The following MSN variants were observed in gnomAD, a reference collection of about 807,000 sequenced individuals.
MSN encodes epididymis luminal protein 70.
A neutral mutation model predicts 48.0 loss-of-function variants in MSN; 2 were observed. That is an observed-to-expected ratio of 0.04 (90% confidence interval 0.02 to 0.13). The LOEUF (loss-of-function observed/expected upper bound fraction) is 0.13. MSN is among the 10% of genes least tolerant of loss of function. The pLI is 1.00. For synonymous variants in MSN, 146 were observed against 166.9 expected, an observed-to-expected ratio of 0.87 and a Z score of 0.97; for missense variants, 267 against 470.1, an observed-to-expected ratio of 0.57 and a Z score of 3.99.
rs1476998596 is a variant in MSN, at chrX:65,618,595, G to A, written c.-22+29983G>A. ...CTCCATCCTTTTATTTTGAGCCTAT[G>A]TGTGTCTCTGCATGTGAGATGGGTT... On this transcript the variant is annotated intron_variant, in intron 1 of 3. Transcript: ENST00000609672. 2.7e-5 allele frequency among the ~76,000 whole-genome samples: 3 copies of A among 111,239 alleles called. No individual in the cohort carries two copies. The Admixed American group carries it at 2.9e-4, about 11-fold the overall frequency.
At chrX:65,730,929 T>A (rs945620730) in intron 4 of MSN, among the ~76,000 whole-genome samples, 178 bp from the exon 5 acceptor site, 4 of 112,167 alleles carry the variant, frequency 3.6e-5, no homozygotes, top group African/African-American at 1.3e-4. Flanking sequence ...TTTCAGGCAA[T>A]TCCTTGTGTC....
At chrX:65,638,162 C>A (rs777560326) in intron 1 of MSN, among the ~76,000 whole-genome samples, 1 of 112,436 alleles carries the variant, frequency 8.9e-6, no homozygotes, top group Non-Finnish European at 1.9e-5. Context: ...GTACTCTAAT[C>A]ATTTGATTTG....
At chrX:65,645,745 G>A (rs973461318) in intron 1 of MSN, among the ~76,000 whole-genome samples, 5 of 111,351 alleles carry the variant, frequency 4.5e-5, no homozygotes, top group African/African-American at 1.6e-4. Flanking sequence ...AAACTGCCCA[G>A]CTGCCTCCAC....
intron 1 of MSN, among the ~76,000 whole-genome samples, chrX:65,611,458 C>T (rs969627961): frequency 1.8e-5 from 2 of 111,817 alleles, no homozygotes; most frequent in African/African-American, 3.2e-5. Context: ...CTGTGCCTGG[C>T]CAGTATCAGT....
intron 1 of MSN, chrX:65,716,495 C>G (rs188982686): frequency 3.2e-6 from 1 of 308,198 alleles, no homozygotes; most frequent in East Asian, 8.6e-5. Flanking sequence ...AGGCTGGTCT[C>G]GAACTCCTGG....
At chrX:65,591,783 T>C (rs1376389399) in intron 1 of MSN, among the ~76,000 whole-genome samples, 1 of 111,248 alleles carries the variant, frequency 9.0e-6, no homozygotes, top group Non-Finnish European at 1.9e-5. Context: ...TAGAAAGTAG[T>C]TCTTTCTGGA....
chrX:65,677,858 A>G (rs1157741543), intron 1 of MSN, among the ~76,000 whole-genome samples: 1 of 111,336 alleles, frequency 9.0e-6, no homozygotes, highest in African/African-American at 3.3e-5. Context: ...TAGATCTAGC[A>G]TATGCTTGGT....
At chrX:65,606,857 T>C (rs1291316454) in intron 1 of MSN, among the ~76,000 whole-genome samples, 2 of 112,662 alleles carry the variant, frequency 1.8e-5, no homozygotes, top group South Asian at 3.6e-4. Context: ...TGCAAAACTA[T>C]TTATCAAACA....
chrX:65,719,945 G>A (rs754436183), intron 2 of MSN, among the ~76,000 whole-genome samples: 1 of 111,513 alleles, frequency 9.0e-6, no homozygotes, highest in East Asian at 2.8e-4. Flanking sequence ...GGTTTGGTTT[G>A]TGTGCTGTGG....
intron 1 of MSN, among the ~76,000 whole-genome samples, chrX:65,590,966 C>A (rs1404368920): frequency 1.8e-5 from 2 of 111,345 alleles, no homozygotes; most frequent in Non-Finnish European, 3.8e-5. Flanking sequence ...TCCTGTGTAG[C>A]CCTCTCAATC....
At chrX:65,606,862 C>T (rs1434875387) in intron 1 of MSN, among the ~76,000 whole-genome samples, 2 of 112,479 alleles carry the variant, frequency 1.8e-5, no homozygotes, top group African/African-American at 6.5e-5. Context: ...AACTATTTAT[C>T]AAACAGTCAC....
chrX:65,737,828 G>C (rs760589536), intron 10 of MSN, among the ~76,000 whole-genome samples: 27 of 112,309 alleles, frequency 2.4e-4, no homozygotes, highest in Non-Finnish European at 4.3e-4. Context: ...TTCTGCCTCT[G>C]TTTGAAAGCT....
At chrX:65,660,938 A>G (rs948817523) in intron 1 of MSN, among the ~76,000 whole-genome samples, 1 of 111,019 alleles carries the variant, frequency 9.0e-6, no homozygotes, top group Non-Finnish European at 1.9e-5. Flanking sequence ...CTGTGGGTTT[A>G]TGATAGATGG....
chrX:65,706,536 C>T (rs1178094001), intron 1 of MSN, among the ~76,000 whole-genome samples: 1 of 112,005 alleles, frequency 8.9e-6, no homozygotes, highest in Middle Eastern at 4.2e-3. Context: ...AACCTCTGCC[C>T]CAGTGAGACA....
At chrX:65,718,700 C>T (rs1221267741) in intron 2 of MSN, among the ~76,000 whole-genome samples, 1 of 109,236 alleles carries the variant, frequency 9.2e-6, no homozygotes, top group Admixed American at 9.8e-5. Flanking sequence ...CACCTATAGT[C>T]CCAGCTACTC....
upstream of MSN, among the ~76,000 whole-genome samples, chrX:65,664,743 G>C (rs958368637): frequency 1.1e-5 from 1 of 93,934 alleles, no homozygotes; most frequent in Admixed American, 1.2e-4. Context: ...GGACTTCTAT[G>C]CCCCCTTTCT....
chrX:65,676,022 T>C (rs1346216266), intron 1 of MSN, among the ~76,000 whole-genome samples: 1 of 112,897 alleles, frequency 8.9e-6, no homozygotes, highest in Non-Finnish European at 1.9e-5. Flanking sequence ...ACACATGAAC[T>C]AAACCAAAGA....
At chrX:65,706,448 C>A (rs1401109377) in intron 1 of MSN, among the ~76,000 whole-genome samples, 2 of 111,808 alleles carry the variant, frequency 1.8e-5, no homozygotes, top group African/African-American at 6.5e-5. Flanking sequence ...CCACTGAAAG[C>A]CCAGCAGGGG....
intron 1 of MSN, among the ~76,000 whole-genome samples, chrX:65,633,317 A>G (rs904573888): frequency 1.8e-5 from 2 of 111,540 alleles, no homozygotes; most frequent in African/African-American, 6.5e-5. Flanking sequence ...TGACTTCTTC[A>G]TGGGACCCTT....
Sources: allele counts gnomAD v4.1 joint callset (sites outside exome capture counted in the v4.1 genomes callset), GRCh38; gene constraint gnomAD v4.1.1; transcripts MANE v1.5; gene names NCBI Gene and HGNC (gene_info 2026-07-23, HGNC 2026-07-21).